The following TNFRSF10B variants were observed in gnomAD, a reference collection of about 807,000 sequenced individuals.
TNFRSF10B encodes tumor necrosis factor receptor superfamily member 10B.
TNFRSF10B carries 35 observed loss-of-function variants against 41.4 expected under a neutral mutation model. The ratio of observed to expected loss-of-function variants is 0.85; its 90% CI spans 0.65 to 1.12. The LOEUF is 1.12. TNFRSF10B is among the 50% of genes most tolerant of loss of function. The pLI is 0.00. For synonymous variants in TNFRSF10B, 230 were observed against 215.5 expected (o/e 1.07, Z -0.59); for missense variants, 584 against 552.7 (o/e 1.06, Z -0.57).
chr8:23,046,440 A>C (rs1457621202), intron 1 of TNFRSF10B, among the ~76,000 whole-genome samples: 1 of 152,106 alleles, frequency 6.6e-6, no homozygotes, highest in Non-Finnish European at 1.5e-5. Context: ...AGACAAATAA[A>C]ACGGAAAGAG....
chr8:23,027,687 C>G (rs2128811587), intron 6 of TNFRSF10B, 35 bp downstream of exon 6: 1 of 1,614,050 alleles, frequency 6.2e-7, no homozygotes, highest in African/African-American at 1.3e-5. Context: ...GTTCCTGAAC[C>G]CCTGAGCCCC....
intron 7 of TNFRSF10B, among the ~76,000 whole-genome samples, chr8:23,025,455 A>G (rs1196607972): frequency 1.3e-5 from 2 of 152,316 alleles, no homozygotes; most frequent in East Asian, 1.9e-4. Context: ...TATAATTCTA[A>G]ATTTTATCTA....
Position 23,049,614 on chromosome 8 carries a change from T to C in TNFRSF10B, c.145-6371A>G, listed in dbSNP as rs558842607. On this transcript the variant is annotated intron_variant, in intron 1 of 8. Coordinates refer to ENST00000276431, the MANE Select transcript of TNFRSF10B (RefSeq NM_003842.5). ...GTCTTTAGATGAATGCACACTTACA[T>C]GTAGGCATATAGCTTAGAAGGGATA... is the stretch of plus-strand genomic sequence containing the variant. Among the ~76,000 whole-genome samples, 5 of 152,372 alleles carry C rather than the reference T, an allele frequency of 3.3e-5. No homozygotes were observed. The East Asian group carries it at 7.7e-4, about 24-fold the overall frequency.
At chr8:23,031,544 C>T (rs11778325) in intron 2 of TNFRSF10B, among the ~76,000 whole-genome samples, 72,354 of 151,686 alleles carry the variant, frequency 0.48, 18,733 homozygotes, top group East Asian at 0.59. Flanking sequence ...CACACCACCA[C>T]ACCGGGTTAA....
intron 1 of TNFRSF10B, among the ~76,000 whole-genome samples, chr8:23,048,592 C>T (rs1812433353): frequency 6.6e-6 from 1 of 152,018 alleles, no homozygotes; most frequent in South Asian, 2.1e-4. Flanking sequence ...TTGCACAGTG[C>T]AATGAATGTA....
At chr8:23,024,697 G>A (rs920048607) in intron 7 of TNFRSF10B, among the ~76,000 whole-genome samples, 119 of 152,080 alleles carry the variant, frequency 7.8e-4, no homozygotes, top group African/African-American at 2.7e-3. Context: ...TTATTTTATC[G>A]TATTTTTATA....
intron 1 of TNFRSF10B, 148 bp downstream of exon 1, chr8:23,068,603 C>A: frequency 2.3e-6 from 3 of 1,307,182 alleles, no homozygotes; most frequent in Non-Finnish European, 3.1e-6. Context: ...ATCTCTTCCC[C>A]CGACTCCGAC....
intron 1 of TNFRSF10B, among the ~76,000 whole-genome samples, chr8:23,059,188 C>T (rs961553556): frequency 3.9e-5 from 6 of 152,194 alleles, no homozygotes; most frequent in Non-Finnish European, 7.3e-5. Flanking sequence ...CCTTCCTTTT[C>T]AAGGCTGAGT....
At chr8:23,033,381 G>C (rs947239291) in intron 2 of TNFRSF10B, among the ~76,000 whole-genome samples, 1 of 151,770 alleles carries the variant, frequency 6.6e-6, no homozygotes, top group African/African-American at 2.4e-5. Context: ...TCAGGAGATC[G>C]AGACCATCCT....
chr8:23,042,919 T>C, intron 2 of TNFRSF10B: 2 of 525,032 alleles, frequency 3.8e-6, no homozygotes, highest in Non-Finnish European at 6.8e-6. Flanking sequence ...CCCACTCAAT[T>C]CTCTCTCAAG....
chr8:23,048,490 G>A (rs915326144), intron 1 of TNFRSF10B, among the ~76,000 whole-genome samples: 9 of 150,682 alleles, frequency 6.0e-5, no homozygotes, highest in Non-Finnish European at 8.9e-5. Flanking sequence ...TAGAATGGTG[G>A]TTACTAGAGT....
chr8:23,043,042 T>C, intron 2 of TNFRSF10B, 96 bp downstream of exon 2: 2 of 1,182,716 alleles, frequency 1.7e-6, no homozygotes, highest in South Asian at 1.3e-5. Flanking sequence ...TGCCTCTCTG[T>C]GGAATAAAGA....
chr8:23,029,586 G>A (rs1811817238), intron 4 of TNFRSF10B, 24 bp downstream of exon 4: 1 of 1,590,330 alleles, frequency 6.3e-7, no homozygotes, highest in South Asian at 1.1e-5. Flanking sequence ...TGGAGCTACT[G>A]GGAGCCCCCG....
At chr8:23,047,342 A>G (rs1431076991) in intron 1 of TNFRSF10B, among the ~76,000 whole-genome samples, 1 of 140,984 alleles carries the variant, frequency 7.1e-6, no homozygotes, top group Non-Finnish European at 1.5e-5. Context: ...AGGCAACAAG[A>G]GTGAAATTTC....
chr8:23,055,521 T>TAAAAAAAAAAAAA (rs34761330), intron 1 of TNFRSF10B, among the ~76,000 whole-genome samples: 22 of 120,520 alleles, frequency 1.8e-4, no homozygotes, highest in Non-Finnish European at 2.5e-4. Context: ...ATTAAATGCT[T>TAAAAAAAAAAAAA]AAAAAAAAAA....
intron 1 of TNFRSF10B, among the ~76,000 whole-genome samples, chr8:23,059,884 C>G (rs1812781948): frequency 6.6e-6 from 1 of 152,142 alleles, no homozygotes; most frequent in African/African-American, 2.4e-5. Context: ...CAGCAGTTCC[C>G]TAATGATTAG....
chr8:23,059,379 A>T (rs1812758393), intron 1 of TNFRSF10B, among the ~76,000 whole-genome samples: 1 of 152,212 alleles, frequency 6.6e-6, no homozygotes, highest in Non-Finnish European at 1.5e-5. Flanking sequence ...ATCATCTGCT[A>T]ATCCTGTTTT....
chr8:23,045,297 T>A (rs1467948838), intron 1 of TNFRSF10B, among the ~76,000 whole-genome samples: 2 of 151,726 alleles, frequency 1.3e-5, no homozygotes, highest in Non-Finnish European at 2.9e-5. Flanking sequence ...TATGAAAATA[T>A]TATGAACAAT....
In TNFRSF10B at chr8:23,020,759, G is replaced by C; in HGVS notation, c.*1912C>G. ...GCTGACACTCTAGATGCATCTTCTA[G>C]GAAGGCCTCTGTGGAAGGGACAAGG... On this transcript the variant is annotated 3_prime_UTR_variant, in exon 9 of 9. Transcript: ENST00000276431. 1 of 454,004 alleles carries C rather than the reference G, an allele frequency of 2.2e-6. No homozygotes were observed. The highest frequency in any genetic ancestry group is 4.4e-6 in the Non-Finnish European group (1 of 226,720). 28.1% of individuals were successfully genotyped at this position (454,004 alleles called of 1,614,324 possible).
Sources: gnomAD v4.1 joint callset for allele counts (sites outside exome capture counted in the v4.1 genomes callset) on GRCh38, gnomAD v4.1.1 for gene constraint, MANE v1.5 for transcripts, NCBI Gene and HGNC (gene_info 2026-07-23, HGNC 2026-07-21) for gene names.